ATF7: variants seen among roughly 807,000 people sequenced by gnomAD.
The protein encoded by ATF7 is cyclic AMP-dependent transcription factor ATF-7.
In ATF7, 10 loss-of-function variants were observed where a neutral mutation model predicts 50.4. The ratio of observed to expected loss-of-function variants is 0.20; its 90% CI spans 0.12 to 0.34. The LOEUF (loss-of-function observed/expected upper bound fraction) is 0.34, where lower values mean the gene tolerates loss of function less well. ATF7 is among the 10% of genes least tolerant of loss of function. The pLI is 1.00. For synonymous variants in ATF7, 201 were observed against 226.4 expected (o/e 0.89, Z 1.01); for missense variants, 465 against 613.9 (o/e 0.76, Z 2.56).
chr12:53,624,274 G>A (rs374785858), intron 1 of ATF7, among the ~76,000 whole-genome samples: 5 of 152,216 alleles, frequency 3.3e-5, no homozygotes, highest in East Asian at 1.9e-4. Context: ...ATGTGCTATA[G>A]GGGCAACTTC....
intron 1 of ATF7, among the ~76,000 whole-genome samples, chr12:53,604,878 CA>C (rs1335030147): frequency 6.6e-6 from 1 of 152,052 alleles, no homozygotes; most frequent in African/African-American, 2.4e-5. Flanking sequence ...GATATAAAAA[CA>C]AAAAGACAAT....
At position 53,543,446 on chromosome 12, in the gene ATF7, G is replaced by C; in HGVS notation, c.148C>G (p.Gln50Glu). The C allele has an allele frequency of 3.2e-6, 5 of 1,586,796 alleles. No homozygotes were observed. Among genetic ancestry groups the C allele is most frequent in the Non-Finnish European group, 4.3e-6 (5 of 1,166,098 alleles). The stretch of plus-strand genomic sequence containing the variant: ...AGGAATCTAGTTGGAGTAGGCGTTT[G>C]ATCTGTAGACATGAAAGAAAAGGAA... ...ARTDSVIIAD[Q>E]TPTPTRFLKN... is the part of the protein sequence containing the mutation. Residue 50 changes from glutamine (Q) to glutamate (E), a missense_variant and splice_region_variant, in exon 4 of 12, where the codon CAA becomes GAA. Physicochemically the swap from Gln to Glu is conservative, Grantham distance 29. Coordinates refer to ENST00000420353, the MANE Select transcript of ATF7 (RefSeq NM_006856.3).
At chr12:53,615,126 G>C (rs1044826512) in intron 1 of ATF7, among the ~76,000 whole-genome samples, 2 of 151,854 alleles carry the variant, frequency 1.3e-5, no homozygotes, top group Non-Finnish European at 2.9e-5. Context: ...GCTCACGCCT[G>C]TAATCTCAAC....
intron 1 of ATF7, among the ~76,000 whole-genome samples, chr12:53,612,651 G>C (rs921993101): frequency 3.9e-5 from 6 of 152,114 alleles, no homozygotes; most frequent in African/African-American, 1.4e-4. Context: ...CTTTCAGGGG[G>C]TTCATGAAGG....
intron 2 of ATF7, among the ~76,000 whole-genome samples, chr12:53,585,839 A>C (rs1247929578): frequency 2.6e-5 from 4 of 152,060 alleles, no homozygotes; most frequent in African/African-American, 9.7e-5. Flanking sequence ...CCATTCTACT[A>C]GATAAAGGAA....
intron 2 of ATF7, among the ~76,000 whole-genome samples, chr12:53,566,322 G>A (rs1230091136): frequency 1.3e-5 from 2 of 152,158 alleles, no homozygotes; most frequent in Non-Finnish European, 2.9e-5. Flanking sequence ...ATAGGTTTGA[G>A]GAAGACATTA....
At position 53,543,589 on chromosome 12, in the gene ATF7, A is replaced by C. The variant is rs140256851; in HGVS notation, c.146-141T>G. 13 of 889,914 alleles carry C rather than the reference A, an allele frequency of 1.5e-5. No individual in the cohort carries two copies. The African/African-American group carries it at 1.9e-4, about 13-fold the overall frequency. 55.1% of individuals were successfully genotyped at this position (889,914 alleles called of 1,614,324 possible). A position where few individuals can be genotyped will look rare whatever the true frequency, so the allele number is the denominator to read the frequency against. ...TGTTAGGGCAAATTTGCTTTAATGG[A>C]GCTCTAGTAGGCGAAGGCTGGTGTA... On this transcript the variant is annotated intron_variant, in intron 3 of 11. Coordinates refer to ENST00000420353, the MANE Select transcript of ATF7 (RefSeq NM_006856.3).
intron 2 of ATF7, among the ~76,000 whole-genome samples, chr12:53,585,161 G>A (rs1942615228): frequency 6.6e-6 from 1 of 151,852 alleles, no homozygotes. Flanking sequence ...TTTTTTGTAA[G>A]GATGGGGTCT....
intron 10 of ATF7, 45 bp from the exon 11 acceptor site, chr12:53,523,429 T>TA (rs1171803654): frequency 7.2e-7 from 1 of 1,385,378 alleles, no homozygotes. Context: ...ATTCATCCTC[T>TA]ACTCTTGCAC....
At chr12:53,508,689 C>T (rs1194458136), downstream of ATF7, among the ~76,000 whole-genome samples, 3 of 152,296 alleles carry the variant, frequency 2.0e-5, no homozygotes, top group South Asian at 2.1e-4. Context: ...CCTGCCTCAT[C>T]GCCCTTCCTA....
chr12:53,545,980 G>A (rs957685221), intron 3 of ATF7, among the ~76,000 whole-genome samples: 27 of 152,064 alleles, frequency 1.8e-4, no homozygotes, highest in African/African-American at 2.9e-4. Context: ...ATCACCTGAG[G>A]TCGGGAGTTT....
At position 53,532,493 on chromosome 12, in the gene ATF7, G is replaced by C; in HGVS notation, c.774+17C>G. The C allele has an allele frequency of 6.5e-7, 1 of 1,548,574 alleles. No homozygotes were observed. Among genetic ancestry groups the C allele is most frequent in the African/African-American group, 1.4e-5 (1 of 73,576 alleles). ...TTTCAGAAAGGCCAACATTGCCCCA[G>C]ACTGGGATGTACTCACCATCTTGGC... On this transcript the variant is annotated intron_variant, in intron 8 of 11. Coordinates refer to ENST00000420353, the MANE Select transcript of ATF7 (RefSeq NM_006856.3).
intron 2 of ATF7, among the ~76,000 whole-genome samples, chr12:53,587,365 T>TAAAAAAAAAAAAAAAAAAAAAAA (rs1942732200): frequency 3.3e-5 from 1 of 29,984 alleles, no homozygotes; most frequent in Non-Finnish European, 6.3e-5. Context: ...AAATTCCGCA[T>TAAAAAAAAAAAAAAAAAAAAAAA]CAAAAAAAAA....
intron 3 of ATF7, among the ~76,000 whole-genome samples, chr12:53,545,930 C>T (rs970056203): frequency 2.0e-5 from 3 of 151,990 alleles, no homozygotes; most frequent in Non-Finnish European, 4.4e-5. Context: ...CGGTGGCTCA[C>T]GCCTGTAATC....
intron 9 of ATF7, among the ~76,000 whole-genome samples, chr12:53,526,357 G>T (rs1409905810): frequency 1.3e-5 from 2 of 151,740 alleles, no homozygotes; most frequent in Non-Finnish European, 2.9e-5. Flanking sequence ...AAGATGATGA[G>T]GAGGATGAAG....
chr12:53,583,113 C>T (rs776767377), intron 2 of ATF7, among the ~76,000 whole-genome samples: 4 of 152,110 alleles, frequency 2.6e-5, no homozygotes, highest in African/African-American at 4.8e-5. Flanking sequence ...ATGTAAAATA[C>T]AAAACTATAA....
At chr12:53,550,331 A>AAAAAAAAT (rs1214452844) in intron 3 of ATF7, among the ~76,000 whole-genome samples, 71 of 123,622 alleles carry the variant, frequency 5.7e-4, no homozygotes, top group African/African-American at 2.1e-3. Context: ...CTCAAAAAAA[A>AAAAAAAAT]AAATAAATAA....
At chr12:53,579,204 G>A (rs747612960) in intron 2 of ATF7, among the ~76,000 whole-genome samples, 24 of 151,680 alleles carry the variant, frequency 1.6e-4, no homozygotes, top group Non-Finnish European at 2.7e-4. Flanking sequence ...AGATGGTGCC[G>A]CTGCACTCCA....
chr12:53,592,082 G>A (rs1051668066), intron 2 of ATF7, among the ~76,000 whole-genome samples: 1 of 152,208 alleles, frequency 6.6e-6, no homozygotes, highest in Non-Finnish European at 1.5e-5. Flanking sequence ...TTAGCAGTTA[G>A]AGCAGAAGTT....
Sources: gnomAD v4.1 joint callset for allele counts (sites outside exome capture counted in the v4.1 genomes callset) on GRCh38, gnomAD v4.1.1 for gene constraint, MANE v1.5 for transcripts, NCBI Gene and HGNC (gene_info 2026-07-23, HGNC 2026-07-21) for gene names.